IGFL2: variants seen among roughly 807,000 people sequenced by gnomAD.
IGFL2 encodes the protein IGF like family member 2.
A neutral mutation model predicts 13.9 loss-of-function variants in IGFL2; 7 were observed. That is an observed-to-expected ratio of 0.51 (90% CI 0.29 to 0.95). The LOEUF (loss-of-function observed/expected upper bound fraction) is 0.95. Ranked by LOEUF, IGFL2 falls within the 40% of genes least tolerant of loss-of-function variation. IGFL2 has a pLI of 0.08. For missense variants in IGFL2, 138 were observed against 147.8 expected, an observed-to-expected ratio of 0.93 and a Z score of 0.34; for synonymous variants, 55 against 55.8, an observed-to-expected ratio of 0.99 and a Z score of 0.07.
At chr19:46,114,978 A>G in the IGFL2 span, among the ~76,000 whole-genome samples, 2 of 152,084 alleles carry the variant, frequency 1.3e-5, no homozygotes, top group Non-Finnish European at 2.9e-5. Flanking sequence ...GCATACTAAT[A>G]TTGAGGACCA....
chr19:46,198,989 G>A, the IGFL2 span, among the ~76,000 whole-genome samples: 15 of 152,200 alleles, frequency 9.9e-5, no homozygotes, highest in African/African-American at 3.4e-4. Context: ...AGGCCCCCAC[G>A]GTTTCACATT....
upstream of IGFL2, among the ~76,000 whole-genome samples, chr19:46,144,954 A>C (rs1286553335): frequency 2.0e-5 from 3 of 152,190 alleles, no homozygotes; most frequent in Non-Finnish European, 4.4e-5. Context: ...GTGTATGTAA[A>C]TAGTTCCTTG....
the IGFL2 span, among the ~76,000 whole-genome samples, chr19:46,079,820 C>T: frequency 6.6e-6 from 1 of 152,156 alleles, no homozygotes; most frequent in Non-Finnish European, 1.5e-5. Flanking sequence ...AGCCTTCCCT[C>T]AAGGAAAGAG....
At chr19:46,080,505 TATA>T in the IGFL2 span, among the ~76,000 whole-genome samples, 2 of 152,254 alleles carry the variant, frequency 1.3e-5, no homozygotes, top group African/African-American at 2.4e-5. Context: ...ATTTGAATGT[TATA>T]ATAATTTTGT....
At chr19:46,086,594 G>A in the IGFL2 span, among the ~76,000 whole-genome samples, 95 of 152,318 alleles carry the variant, frequency 6.2e-4, no homozygotes, top group African/African-American at 2.2e-3. Context: ...AAAGTGCTGG[G>A]ATTACAGGCA....
chr19:46,106,404 G>A, the IGFL2 span, among the ~76,000 whole-genome samples: 1 of 152,196 alleles, frequency 6.6e-6, no homozygotes, highest in East Asian at 1.9e-4. Context: ...AAGTAATGGG[G>A]GCTGTCCCTG....
At chr19:46,134,848 G>T in the IGFL2 span, among the ~76,000 whole-genome samples, 1 of 152,178 alleles carries the variant, frequency 6.6e-6, no homozygotes, top group Non-Finnish European at 1.5e-5. Context: ...TGGCCTGTGG[G>T]TTGGGGACCC....
At chr19:46,120,357 C>CACAG in the IGFL2 span, 1 of 1,611,002 alleles carries the variant, frequency 6.2e-7, no homozygotes, top group Non-Finnish European at 8.5e-7. Context: ...GCCTCCTGTT[C>CACAG]CTATCACAGT....
At chr19:46,170,918 C>T in the IGFL2 span, among the ~76,000 whole-genome samples, 1 of 152,140 alleles carries the variant, frequency 6.6e-6, no homozygotes, top group Non-Finnish European at 1.5e-5. Context: ...TTTAGTTTCA[C>T]CCTGACCTTG....
At chr19:46,109,715 A>AT in the IGFL2 span, among the ~76,000 whole-genome samples, 3 of 152,112 alleles carry the variant, frequency 2.0e-5, no homozygotes, top group Non-Finnish European at 4.4e-5. Context: ...GGGAGGGTGT[A>AT]TCATACAAAG....
At chr19:46,089,038 A>G in the IGFL2 span, among the ~76,000 whole-genome samples, 2 of 152,176 alleles carry the variant, frequency 1.3e-5, no homozygotes, top group African/African-American at 2.4e-5. Context: ...TTATTGTTTT[A>G]TAGATCCTTT....
the IGFL2 span, chr19:46,179,540 G>C: frequency 6.6e-6 from 1 of 152,466 alleles, no homozygotes; most frequent in East Asian, 1.9e-4. Context: ...CATCGGGTCT[G>C]ATGAATCCGA....
chr19:46,142,798 T>G (rs960180584), upstream of IGFL2, among the ~76,000 whole-genome samples: 2 of 152,228 alleles, frequency 1.3e-5, no homozygotes, highest in African/African-American at 4.8e-5. Context: ...TGCGTGTACT[T>G]CTGCCAATTT....
At chr19:46,103,705 A>G in the IGFL2 span, among the ~76,000 whole-genome samples, 2,018 of 152,326 alleles carry the variant, frequency 0.013, 31 homozygotes, top group Middle Eastern at 0.027. Flanking sequence ...TTGGGGTGCA[A>G]TCCAAGTGGG....
At chr19:46,160,527 TG>T in intron 2 of IGFL2, 59 bp downstream of exon 2, 2 of 1,612,238 alleles carry the variant, frequency 1.2e-6, no homozygotes, top group Non-Finnish European at 1.7e-6. Context: ...AAAGTGGGCA[TG>T]GGGGTTCACA....
At chr19:46,176,201 A>G in the IGFL2 span, among the ~76,000 whole-genome samples, 1 of 143,454 alleles carries the variant, frequency 7.0e-6, no homozygotes, top group East Asian at 1.9e-4. Context: ...AAAAAAAGAA[A>G]AGAAAACTGG....
At chr19:46,087,544 C>T in the IGFL2 span, among the ~76,000 whole-genome samples, 86 of 152,270 alleles carry the variant, frequency 5.6e-4, no homozygotes, top group East Asian at 0.015. Context: ...CTCAGGCTGC[C>T]AGTGGAATGC....
At chr19:46,085,832 CTTAGCATTTGCTTGTATGAAAAGGAT>C in the IGFL2 span, among the ~76,000 whole-genome samples, 9 of 152,122 alleles carry the variant, frequency 5.9e-5, no homozygotes, top group Non-Finnish European at 5.9e-5. Context: ...AATGAAGTCC[CTTAGCATTTGCTTGTATGAAAAGGAT>C]TTTCTTTTCT....
the IGFL2 span, among the ~76,000 whole-genome samples, chr19:46,188,299 G>A: frequency 6.6e-6 from 1 of 152,226 alleles, no homozygotes; most frequent in South Asian, 2.1e-4. Context: ...GTGTACTGTA[G>A]ACACCCATTT....
Sources: allele counts gnomAD v4.1 joint callset (sites outside exome capture counted in the v4.1 genomes callset), GRCh38; gene constraint gnomAD v4.1.1; transcripts MANE v1.5; gene names NCBI Gene and HGNC (gene_info 2026-07-23, HGNC 2026-07-21).